Variants in CABCOCO1 observed in about 807,000 individuals in gnomAD.
CABCOCO1 encodes ciliary associated calcium binding coiled-coil 1, also known as ciliary-associated calcium-binding coiled-coil protein 1.
CABCOCO1 carries 28 observed loss-of-function variants against 35.7 expected under a neutral mutation model. The observed-to-expected ratio is 0.78, with a 90% CI of 0.58 to 1.07. CABCOCO1 has a LOEUF of 1.07. Ranked by LOEUF, CABCOCO1 falls within the 50% of genes least tolerant of loss-of-function variation. The probability of loss-of-function intolerance (pLI) is 0.00; values close to 1 mark genes in which losing one functional copy is unlikely to be tolerated. For synonymous variants in CABCOCO1, 95 were observed against 100.1 expected (o/e 0.95, Z 0.30); for missense variants, 326 against 309.2 (o/e 1.05, Z -0.41).
rs1164671047 is a variant in CABCOCO1 at position 61,713,888 on chromosome 10, G to C, written c.552+23267G>C. ...CCTGATCGTGGTGGATAAGCTTTTT[G>C]ATGTGCTGCTGGATTCGGTTTGCCA... On this transcript the variant is annotated intron_variant, in intron 5 of 7. Transcript: ENST00000648843. 3.3e-5 allele frequency among the ~76,000 whole-genome samples: 5 copies of C among 152,254 alleles called. No individual in the cohort carries two copies. In the East Asian group the frequency reaches 9.7e-4, roughly 29 times the overall value.
At chr10:61,676,442 G>A (rs1839514741) in intron 2 of CABCOCO1, among the ~76,000 whole-genome samples, 1 of 152,028 alleles carries the variant, frequency 6.6e-6, no homozygotes, top group Non-Finnish European at 1.5e-5. Flanking sequence ...GCAAGCACAT[G>A]AGAAAAAAAG....
At chr10:61,722,014 C>G (rs185462811) in intron 5 of CABCOCO1, among the ~76,000 whole-genome samples, 1 of 152,118 alleles carries the variant, frequency 6.6e-6, no homozygotes, top group Non-Finnish European at 1.5e-5. Flanking sequence ...ATGTGCCCAT[C>G]ATGACAGCCC....
intron 5 of CABCOCO1, among the ~76,000 whole-genome samples, chr10:61,738,391 T>C (rs930692828): frequency 1.3e-5 from 2 of 152,152 alleles, no homozygotes; most frequent in African/African-American, 4.8e-5. Flanking sequence ...CAAGATAAAA[T>C]ACTGTCAGGT....
chr10:61,760,281 T>G, intron 6 of CABCOCO1, 100 bp downstream of exon 6: 1 of 1,425,018 alleles, frequency 7.0e-7, no homozygotes, highest in Non-Finnish European at 9.5e-7. Flanking sequence ...TCTTTGCCTC[T>G]GATTTTTCCC....
intron 4 of CABCOCO1, among the ~76,000 whole-genome samples, chr10:61,687,431 T>C (rs1840000140): frequency 6.6e-6 from 1 of 152,174 alleles, no homozygotes; most frequent in Non-Finnish European, 1.5e-5. Flanking sequence ...CATCCTTATT[T>C]TCCTTCTCTA....
intron 5 of CABCOCO1, among the ~76,000 whole-genome samples, chr10:61,693,801 C>T (rs1278611696): frequency 6.6e-6 from 1 of 151,836 alleles, no homozygotes; most frequent in Non-Finnish European, 1.5e-5. Context: ...AGGCAATTAG[C>T]AAACCAGGGT....
intron 2 of CABCOCO1, among the ~76,000 whole-genome samples, chr10:61,677,811 G>GTTTTTTTTTTTTTTTTTTTTTTTTTTTT (rs35492889): frequency 1.7e-5 from 1 of 60,304 alleles, no homozygotes; most frequent in African/African-American, 6.7e-5. Flanking sequence ...TTTTTTGGGT[G>GTTTTTTTTTTTTTTTTTTTTTTTTTTTT]TTTTTTTTTT....
intron 5 of CABCOCO1, among the ~76,000 whole-genome samples, chr10:61,750,985 C>A (rs996030322): frequency 1.3e-5 from 2 of 152,098 alleles, no homozygotes; most frequent in East Asian, 3.9e-4. Flanking sequence ...GCCAATGTGA[C>A]AAATACTATG....
intron 2 of CABCOCO1, among the ~76,000 whole-genome samples, chr10:61,675,472 A>AAAGG (rs1839484830): frequency 1.3e-5 from 2 of 152,334 alleles, no homozygotes; most frequent in Admixed American, 1.3e-4. Flanking sequence ...CAAAGATGAA[A>AAAGG]AAGGTCAAAG....
At chr10:61,744,690 AG>A (rs1211334680) in intron 5 of CABCOCO1, among the ~76,000 whole-genome samples, 1 of 152,154 alleles carries the variant, frequency 6.6e-6, no homozygotes, top group Admixed American at 6.6e-5. Flanking sequence ...AGGAGGTGCT[AG>A]AGAGTCAGAC....
chr10:61,727,451 T>C lies in CABCOCO1; in HGVS notation c.553-32608T>C, dbSNP rs567778347. On this transcript the variant is annotated intron_variant, in intron 5 of 7. Coordinates refer to ENST00000648843, the MANE Select transcript of CABCOCO1 (RefSeq NM_001366906.2). ...ATTGTTTTAAGTTAATTAAAATGCA[T>C]CTGAAAGAGCTCTAGAGTTCAAAGA... is the stretch of plus-strand genomic sequence containing the variant. Among the ~76,000 whole-genome samples, 131 of 152,306 alleles carry C rather than the reference T, an allele frequency of 8.6e-4. 1 individual carries two copies. In the South Asian group the frequency reaches 0.027, roughly 31 times the overall value.
chr10:61,734,538 A>T (rs995352852), intron 5 of CABCOCO1, among the ~76,000 whole-genome samples: 1 of 152,080 alleles, frequency 6.6e-6, no homozygotes, highest in African/African-American at 2.4e-5. Context: ...CACTAAAAAG[A>T]CTTAAGAGAA....
At chr10:61,686,921 G>T (rs1839983135) in intron 4 of CABCOCO1, among the ~76,000 whole-genome samples, 1 of 152,118 alleles carries the variant, frequency 6.6e-6, no homozygotes, top group African/African-American at 2.4e-5. Flanking sequence ...ACAAGAGTAG[G>T]TTAAAATCTT....
intron 5 of CABCOCO1, among the ~76,000 whole-genome samples, chr10:61,716,698 A>G (rs1055796830): frequency 6.6e-6 from 1 of 152,340 alleles, no homozygotes; most frequent in South Asian, 2.1e-4. Context: ...CATTTTAAAT[A>G]ACATTTATTT....
intron 3 of CABCOCO1, among the ~76,000 whole-genome samples, chr10:61,684,683 T>C (rs1268038222): frequency 6.6e-6 from 1 of 152,142 alleles, no homozygotes; most frequent in Non-Finnish European, 1.5e-5. Context: ...CTGTCCAGCC[T>C]GGCTTTAGTA....
intron 5 of CABCOCO1, among the ~76,000 whole-genome samples, chr10:61,710,325 GA>G (rs1840703684): frequency 6.6e-6 from 1 of 151,222 alleles, no homozygotes; most frequent in South Asian, 2.1e-4. Context: ...TAATGATAGA[GA>G]CATCATTATA....
Position 61,663,824 on chromosome 10 carries a change from TAA to T in CABCOCO1, c.60+801_60+802del, listed in dbSNP as rs5785491. ...AACACATCTGCTGTGCCAGATATTA[TAA>T]AAAAAAAAGTTTAAATCTTTGCACA... On this transcript the variant is annotated intron_variant, in intron 1 of 7. Transcript: ENST00000648843. 4.0e-5 allele frequency among the ~76,000 whole-genome samples: 6 copies of T among 151,610 alleles called. No homozygotes were observed. In the East Asian group the frequency reaches 5.8e-4, roughly 15 times the overall value.
intron 5 of CABCOCO1, among the ~76,000 whole-genome samples, chr10:61,700,830 G>T (rs540105334): frequency 1.3e-5 from 2 of 151,928 alleles, no homozygotes; most frequent in African/African-American, 4.8e-5. Context: ...ACTTACGATG[G>T]AAAGTTATTC....
chr10:61,679,320 T>C (rs936505753), intron 2 of CABCOCO1, among the ~76,000 whole-genome samples: 1 of 100,524 alleles, frequency 9.9e-6, no homozygotes, highest in African/African-American at 4.0e-5. Flanking sequence ...TCTATATCTA[T>C]ATCTATATCT....
Sources: allele counts gnomAD v4.1 joint callset (sites outside exome capture counted in the v4.1 genomes callset), GRCh38; gene constraint gnomAD v4.1.1; transcripts MANE v1.5; gene names NCBI Gene and HGNC (gene_info 2026-07-23, HGNC 2026-07-21).